The following ENPP2 variants were observed in gnomAD, a reference collection of about 807,000 sequenced individuals.
ENPP2 encodes the protein autotaxin.
A neutral mutation model predicts 120.2 loss-of-function variants in ENPP2; 51 were observed. That is an observed-to-expected ratio of 0.42 (90% CI 0.34 to 0.54). The LOEUF (loss-of-function observed/expected upper bound fraction) is 0.54. ENPP2 is among the 20% of genes least tolerant of loss of function. The probability of loss-of-function intolerance (pLI) is 0.04; values close to 1 mark genes in which losing one functional copy is unlikely to be tolerated. For synonymous variants in ENPP2, 365 were observed against 366.4 expected, an observed-to-expected ratio of 1.00 and a Z score of 0.04; for missense variants, 920 against 1,066.5, an observed-to-expected ratio of 0.86 and a Z score of 1.91.
chr8:119,615,925 C>A (rs1815424409), intron 8 of ENPP2, among the ~76,000 whole-genome samples: 2 of 151,952 alleles, frequency 1.3e-5, no homozygotes, highest in Admixed American at 1.3e-4. Context: ...ATAATCATAG[C>A]CTCACAAAGA....
In ENPP2 at chr8:119,569,176, C is replaced by G; in HGVS notation, c.2053+59G>C. The G allele has an allele frequency of 5.9e-6, 9 of 1,528,408 alleles. No individual in the cohort carries two copies. The South Asian group carries it at 1.1e-4, about 18-fold the overall frequency. 94.7% of individuals were successfully genotyped at this position (1,528,408 alleles called of 1,614,324 possible). On this transcript the variant is annotated intron_variant, in intron 21 of 24. Coordinates refer to ENST00000075322, the MANE Select transcript of ENPP2 (RefSeq NM_001040092.3). ...CCCAAGCCACTGAAATTCCAAATAC[C>G]AAGATTGCACAATGTGACATCCCTC...
chr8:119,599,483 A>G (rs1814133756), intron 11 of ENPP2, among the ~76,000 whole-genome samples: 1 of 152,234 alleles, frequency 6.6e-6, no homozygotes, highest in Admixed American at 6.5e-5. Context: ...TCATCTGAAA[A>G]CAATGAACTT....
intron 22 of ENPP2, among the ~76,000 whole-genome samples, chr8:119,566,032 T>C (rs1156864756): frequency 6.6e-6 from 1 of 152,176 alleles, no homozygotes; most frequent in Non-Finnish European, 1.5e-5. Context: ...TTTCTTCCTG[T>C]CCCCTGACTT....
chr8:119,630,121 T>A (rs568633624), intron 2 of ENPP2, among the ~76,000 whole-genome samples: 1 of 152,078 alleles, frequency 6.6e-6, no homozygotes, highest in Admixed American at 6.5e-5. Flanking sequence ...TTCTTTTTTT[T>A]TTTTGAGACG....
At chr8:119,582,353 C>A (rs1327833184) in intron 18 of ENPP2, 65 bp downstream of exon 18, 4 of 1,274,570 alleles carry the variant, frequency 3.1e-6, no homozygotes, top group East Asian at 2.3e-5. Context: ...ACAGAAAGTT[C>A]TATGGGCCAG....
Position 119,557,533 on chromosome 8 carries a change from C to T in ENPP2, c.2580G>A (p.Glu860=), listed in dbSNP as rs529559244. 1.2e-6 allele frequency: 2 copies of T among 1,612,476 alleles called. No homozygotes were observed. Among genetic ancestry groups the T allele is most frequent in the South Asian group, 2.2e-5 (2 of 90,824 alleles). The part of the protein sequence containing the change: ...LTLKTYLHTY[E]SEI ...GATGCTCAGAAAGTTAAATCTCGCT[C>T]TCATATGTATGCAGGTATGTCTTGA... The change falls in exon 25 of 25, where the codon GAG becomes GAA. Residue 860 remains glutamate (E), a synonymous_variant. Coordinates refer to ENST00000075322, the MANE Select transcript of ENPP2 (RefSeq NM_001040092.3).
chr8:119,645,305 C>T (rs1054832435), intron 1 of ENPP2, among the ~76,000 whole-genome samples: 2 of 152,198 alleles, frequency 1.3e-5, no homozygotes, highest in Admixed American at 1.3e-4. Flanking sequence ...CAAGTTCACC[C>T]TCCCAATTTC....
chr8:119,630,406 C>T (rs573811023), intron 2 of ENPP2, among the ~76,000 whole-genome samples: 43 of 152,252 alleles, frequency 2.8e-4, no homozygotes, highest in African/African-American at 8.9e-4. Context: ...CCACATCCGG[C>T]CTATTTCTTT....
At chr8:119,581,265 CAAA>C (rs5894487) in intron 18 of ENPP2, among the ~76,000 whole-genome samples, 7 of 111,752 alleles carry the variant, frequency 6.3e-5, no homozygotes, top group East Asian at 2.6e-4. Flanking sequence ...GACTCCATCT[CAAA>C]AAAAAAAAAA....
chr8:119,595,886 A>G (rs750515647), intron 11 of ENPP2: 10 of 1,613,820 alleles, frequency 6.2e-6, no homozygotes, highest in Middle Eastern at 1.6e-4. Flanking sequence ...GATCCATCCT[A>G]TGTATTTTTC....
Position 119,557,352 on chromosome 8 carries a change from A to T in ENPP2, c.*169T>A. Reference sequence around the variant, plus strand: ...TCTACTCAGAACACAAGGCTACCTAAATCAAGCATTAGAGAAAAACAGTGG... The same window carrying T: ...TCTACTCAGAACACAAGGCTACCTATATCAAGCATTAGAGAAAAACAGTGG... On this transcript the variant is annotated 3_prime_UTR_variant, in exon 25 of 25. Coordinates refer to ENST00000075322, the MANE Select transcript of ENPP2 (RefSeq NM_001040092.3). 2 of 573,530 alleles carry T rather than the reference A, an allele frequency of 3.5e-6. No individual in the cohort carries two copies. The highest frequency in any genetic ancestry group is 6.0e-6 in the Non-Finnish European group (2 of 334,850). 35.5% of individuals were successfully genotyped at this position (573,530 alleles called of 1,614,324 possible).
intron 2 of ENPP2, 29 bp downstream of exon 2, chr8:119,638,396 T>C: frequency 8.7e-7 from 1 of 1,145,438 alleles, no homozygotes; most frequent in Non-Finnish European, 1.3e-6. Flanking sequence ...TTTTAAAAAA[T>C]TGAAAATGCA....
intron 1 of ENPP2, among the ~76,000 whole-genome samples, chr8:119,662,795 C>T (rs756816431): frequency 1.3e-5 from 2 of 152,034 alleles, no homozygotes; most frequent in Non-Finnish European, 2.9e-5. Flanking sequence ...TTTGCATGAC[C>T]CCTAGAATCT....
chr8:119,571,906 C>T (rs1815021342), intron 19 of ENPP2: 1 of 319,458 alleles, frequency 3.1e-6, no homozygotes. Flanking sequence ...GCAAGACCCT[C>T]CCAGATAGAA....
intron 11 of ENPP2, among the ~76,000 whole-genome samples, chr8:119,596,605 G>A (rs534050806): frequency 2.6e-5 from 4 of 152,222 alleles, no homozygotes; most frequent in Admixed American, 1.3e-4. Flanking sequence ...AATCATAAAC[G>A]TACTCCCACA....
In ENPP2 at chr8:119,619,317, A is replaced by C. The variant is rs1269657766; in HGVS notation, c.419-13T>G. On this transcript the variant is annotated splice_polypyrimidine_tract_variant and intron_variant, in intron 4 of 24. Transcript: ENST00000075322. Reference sequence around the variant, plus strand: ...CAATGCGACTCTCCTATAAGGAAAAATGGGTAAATGTATTGTTGAATCTAA... The same window carrying C: ...CAATGCGACTCTCCTATAAGGAAAACTGGGTAAATGTATTGTTGAATCTAA... The C allele has an allele frequency of 1.3e-6, 2 of 1,583,752 alleles. No individual in the cohort carries two copies. Among genetic ancestry groups the C allele is most frequent in the African/African-American group, 1.3e-5 (1 of 74,322 alleles).
chr8:119,620,830 C>A (rs78818856), intron 4 of ENPP2, among the ~76,000 whole-genome samples: 1 of 152,140 alleles, frequency 6.6e-6, no homozygotes, highest in Admixed American at 6.5e-5. Flanking sequence ...ATCCCCTTTA[C>A]CAGCAAGTAC....
chr8:119,567,932 C>T (rs557201814), intron 22 of ENPP2, among the ~76,000 whole-genome samples: 8 of 152,176 alleles, frequency 5.3e-5, no homozygotes, highest in East Asian at 1.9e-4. Flanking sequence ...AATTATAAAC[C>T]GGGGATAAAC....
chr8:119,631,299 C>T (rs1816661602), intron 2 of ENPP2, among the ~76,000 whole-genome samples: 2 of 138,626 alleles, frequency 1.4e-5, no homozygotes, highest in South Asian at 4.7e-4. Context: ...TCACTACAAG[C>T]TCTGTCTTCT....
Sources: allele counts gnomAD v4.1 joint callset (sites outside exome capture counted in the v4.1 genomes callset), GRCh38; gene constraint gnomAD v4.1.1; transcripts MANE v1.5; gene names NCBI Gene and HGNC (gene_info 2026-07-23, HGNC 2026-07-21).